NRG3: variants seen among roughly 807,000 people sequenced by gnomAD.
NRG3 encodes pro-neuregulin-3, membrane-bound isoform.
Under a neutral mutation model 66.9 loss-of-function variants are expected in NRG3, and 31 were observed. The observed-to-expected ratio is 0.46, with a 90% CI of 0.35 to 0.63. The LOEUF (loss-of-function observed/expected upper bound fraction) is 0.63. Among genes scored for constraint, NRG3 ranks in the 20% least tolerant of loss-of-function variants. The pLI, the probability that NRG3 is intolerant of heterozygous loss-of-function variation, is 0.00. For synonymous variants in NRG3, 393 were observed against 359.4 expected (o/e 1.09, Z -1.06); for missense variants, 910 against 878.9 (o/e 1.04, Z -0.45).
chr10:81,973,366 C>T (rs2060000818), intron 1 of NRG3, among the ~76,000 whole-genome samples: 1 of 152,156 alleles, frequency 6.6e-6, no homozygotes, highest in African/African-American at 2.4e-5. Context: ...CTGAAATGAA[C>T]ATATGCATAC....
At chr10:82,105,119 G>A (rs929728258) in intron 1 of NRG3, among the ~76,000 whole-genome samples, 28 of 152,200 alleles carry the variant, frequency 1.8e-4, no homozygotes, top group African/African-American at 5.1e-4. Context: ...CTAGAAAAAC[G>A]TGAATTCAAT....
At chr10:82,569,197 C>A (rs2045589557) in intron 2 of NRG3, among the ~76,000 whole-genome samples, 2 of 151,792 alleles carry the variant, frequency 1.3e-5, no homozygotes, top group African/African-American at 4.8e-5. Flanking sequence ...TTACTCATAG[C>A]AGTTCAATAA....
In NRG3 at chr10:82,656,122, A is replaced by C. The variant is rs76006998; in HGVS notation, c.954-82455A>C. Among the ~76,000 whole-genome samples, 162 of 152,298 alleles carry C rather than the reference A, an allele frequency of 1.1e-3. 1 individual carries two copies. In the East Asian group the frequency reaches 0.029, roughly 27 times the overall value. On this transcript the variant is annotated intron_variant, in intron 2 of 8. Transcript: ENST00000372141. ...AGGCAGGTGCAATTTTAAGCTTTTAAACAAGTTCATGTATTACTTTTCAGC... is the reference window on the plus strand; with the variant it reads ...AGGCAGGTGCAATTTTAAGCTTTTACACAAGTTCATGTATTACTTTTCAGC...
chr10:82,311,876 C>G (rs2081047465), intron 1 of NRG3, among the ~76,000 whole-genome samples: 1 of 152,172 alleles, frequency 6.6e-6, no homozygotes, highest in Non-Finnish European at 1.5e-5. Flanking sequence ...TTGATCCTCT[C>G]CATAAGATGA....
At chr10:82,734,714 T>C (rs2058072004) in intron 2 of NRG3, among the ~76,000 whole-genome samples, 1 of 152,018 alleles carries the variant, frequency 6.6e-6, no homozygotes, top group African/African-American at 2.4e-5. Context: ...AATAACATGA[T>C]CAAGAACTTA....
At chr10:82,276,484 G>C (rs562213921) in intron 1 of NRG3, among the ~76,000 whole-genome samples, 76 of 152,146 alleles carry the variant, frequency 5.0e-4, no homozygotes, top group Non-Finnish European at 7.8e-4. Flanking sequence ...TCTCCAGGAA[G>C]ATGTAAAGGA....
At chr10:82,746,583 C>T (rs982179171) in intron 3 of NRG3, among the ~76,000 whole-genome samples, 4 of 152,136 alleles carry the variant, frequency 2.6e-5, no homozygotes, top group African/African-American at 9.7e-5. Flanking sequence ...TCTCCTCTGT[C>T]CTTTTTATAG....
intron 4 of NRG3, among the ~76,000 whole-genome samples, chr10:82,929,064 A>C (rs1319417538): frequency 6.6e-6 from 1 of 152,172 alleles, no homozygotes; most frequent in East Asian, 1.9e-4. Context: ...ATTTGGGAGA[A>C]ATTTCTAGTA....
chr10:82,423,557 A>G lies in NRG3; in HGVS notation c.953+64689A>G, dbSNP rs555896508. Among the ~76,000 whole-genome samples, 174 of 152,020 alleles carry G rather than the reference A, an allele frequency of 1.1e-3. 1 individual carries two copies. Among genetic ancestry groups the G allele is most frequent in the African/African-American group, 3.8e-3 (157 of 41,536 alleles). On this transcript the variant is annotated intron_variant, in intron 2 of 8. Coordinates refer to ENST00000372141, the MANE Select transcript of NRG3 (RefSeq NM_001010848.4). ...ATGGCAATTTTTTTTTCTGAATCCA[A>G]TATGTGGAGGGAAACACAAGGAAAC...
intron 7 of NRG3, 64 bp from the exon 8 acceptor site, chr10:82,978,886 T>C (rs1852564926): frequency 1.0e-5 from 16 of 1,533,472 alleles, no homozygotes; most frequent in Non-Finnish European, 1.3e-5. Flanking sequence ...AGCAGCCACC[T>C]GTGAGGTTAT....
At chr10:81,942,230 A>G (rs886918724) in intron 1 of NRG3, among the ~76,000 whole-genome samples, 4 of 152,134 alleles carry the variant, frequency 2.6e-5, no homozygotes, top group Non-Finnish European at 4.4e-5. Flanking sequence ...TTTCCTCCAC[A>G]TAACAGAAAT....
At chr10:82,295,939 A>T (rs2080035629) in intron 1 of NRG3, among the ~76,000 whole-genome samples, 1 of 152,166 alleles carries the variant, frequency 6.6e-6, no homozygotes, top group Non-Finnish European at 1.5e-5. Context: ...GAGCTTTAAA[A>T]ATTACATGGA....
At chr10:81,991,049 T>C (rs1202460949) in intron 1 of NRG3, among the ~76,000 whole-genome samples, 2 of 152,114 alleles carry the variant, frequency 1.3e-5, no homozygotes, top group African/African-American at 2.4e-5. Flanking sequence ...ATGGTACTTA[T>C]TTATGCAAAA....
intron 2 of NRG3, among the ~76,000 whole-genome samples, chr10:82,639,962 C>G (rs1477918931): frequency 6.6e-6 from 1 of 152,112 alleles, no homozygotes; most frequent in African/African-American, 2.4e-5. Flanking sequence ...TGTTGTTCCC[C>G]TCTATGTGTC....
intron 1 of NRG3, among the ~76,000 whole-genome samples, chr10:82,029,172 G>A (rs1325089082): frequency 2.6e-5 from 4 of 152,076 alleles, no homozygotes. Flanking sequence ...TCGCATCACT[G>A]CATTCCAGCC....
At chr10:82,818,444 G>A (rs1343755651) in intron 3 of NRG3, among the ~76,000 whole-genome samples, 2 of 152,082 alleles carry the variant, frequency 1.3e-5, no homozygotes, top group African/African-American at 4.8e-5. Context: ...GAAGACAGGA[G>A]GAGATGGTTT....
At chr10:82,742,645 CCTT>C (rs2058473665) in intron 3 of NRG3, among the ~76,000 whole-genome samples, 1 of 152,018 alleles carries the variant, frequency 6.6e-6, no homozygotes, top group Non-Finnish European at 1.5e-5. Context: ...GAGGAAGTGA[CCTT>C]CTGTGGAGGA....
intron 1 of NRG3, among the ~76,000 whole-genome samples, chr10:82,213,023 A>G (rs1358310758): frequency 1.3e-5 from 2 of 152,128 alleles, no homozygotes; most frequent in Admixed American, 6.6e-5. Context: ...GTTCCCAGGA[A>G]CAAGAAAGTT....
chr10:82,344,576 C>G (rs369051257), intron 1 of NRG3, among the ~76,000 whole-genome samples: 1 of 141,500 alleles, frequency 7.1e-6, no homozygotes, highest in Non-Finnish European at 1.5e-5. Context: ...TGGGTATATA[C>G]CCAGTAATGG....
Sources: gnomAD v4.1 joint callset for allele counts (sites outside exome capture counted in the v4.1 genomes callset) on GRCh38, gnomAD v4.1.1 for gene constraint, MANE v1.5 for transcripts, NCBI Gene and HGNC (gene_info 2026-07-23, HGNC 2026-07-21) for gene names.